The following DOCK9 variants were observed in gnomAD, a reference collection of about 807,000 sequenced individuals.
DOCK9 encodes dedicator of cytokinesis 9, also known as dedicator of cytokinesis protein 9.
DOCK9 carries 89 observed loss-of-function variants against 263.3 expected under a neutral mutation model. That is an observed-to-expected ratio of 0.34 (90% CI 0.28 to 0.40). The LOEUF (loss-of-function observed/expected upper bound fraction) is 0.40. Ranked by LOEUF, DOCK9 falls within the 10% of genes least tolerant of loss-of-function variation. The pLI is 1.00. For missense variants in DOCK9, 2,140 were observed against 2,603.4 expected, an observed-to-expected ratio of 0.82 and a Z score of 3.87; for synonymous variants, 976 against 973.1, an observed-to-expected ratio of 1.00 and a Z score of -0.06.
chr13:98,853,560 C>A (rs762692816), intron 34 of DOCK9, 38 bp from the exon 35 acceptor site: 22 of 1,439,168 alleles, frequency 1.5e-5, no homozygotes, highest in Middle Eastern at 1.7e-4. Context: ...TATTTAATTA[C>A]GGGAGGAAAA....
At chr13:98,956,055 A>ATCTTTC (rs2058021923) in intron 1 of DOCK9, among the ~76,000 whole-genome samples, 3 of 152,222 alleles carry the variant, frequency 2.0e-5, no homozygotes, top group Non-Finnish European at 4.4e-5. Context: ...CCAGATATCT[A>ATCTTTC]TACTTAATAT....
chr13:98,917,470 T>C lies in DOCK9; in HGVS notation c.718-1967A>G, dbSNP rs573785181. ...ACTTCACAGACATTGTCAATGAACA[T>C]ACTCTGATATAATTAGATTGTTCAT... On this transcript the variant is annotated intron_variant, in intron 7 of 52. Coordinates refer to ENST00000682017, the MANE Select transcript of DOCK9 (RefSeq NM_001366683.2). 2.0e-5 allele frequency among the ~76,000 whole-genome samples: 3 copies of C among 152,302 alleles called. No individual in the cohort carries two copies. The East Asian group carries it at 5.8e-4, about 29-fold the overall frequency.
chr13:98,937,167 C>G (rs1309789671), intron 2 of DOCK9, among the ~76,000 whole-genome samples: 5 of 152,142 alleles, frequency 3.3e-5, no homozygotes, highest in Admixed American at 2.6e-4. Flanking sequence ...GGAAACAAGC[C>G]ATTTCCATTC....
chr13:99,044,144 C>A (rs533529645), intron 1 of DOCK9, among the ~76,000 whole-genome samples: 2 of 152,196 alleles, frequency 1.3e-5, no homozygotes, highest in African/African-American at 4.8e-5. Flanking sequence ...ACTGCTCACG[C>A]GACACTGTTG....
Position 98,880,527 on chromosome 13 carries a change from C to T in DOCK9, c.2871+20G>A. On this transcript the variant is annotated intron_variant, in intron 26 of 52. Coordinates refer to ENST00000682017, the MANE Select transcript of DOCK9 (RefSeq NM_001366683.2). The stretch of plus-strand genomic sequence containing the variant: ...TGTTAATCAGTTTCAATCAGAGCCA[C>T]ACTGACTCTCCTGACATACCTTCAG... 2 of 1,613,624 alleles carry T rather than the reference C, an allele frequency of 1.2e-6. No homozygotes were observed. The highest frequency in any genetic ancestry group is 1.7e-6 in the Non-Finnish European group (2 of 1,179,746).
chr13:99,060,061 A>ATT (rs2041111530), intron 1 of DOCK9, among the ~76,000 whole-genome samples: 2 of 69,314 alleles, frequency 2.9e-5, no homozygotes, highest in Non-Finnish European at 5.5e-5. Context: ...GATTGTTTCT[A>ATT]CTTTTTTTTT....
chr13:98,900,017 A>G (rs1011362437), intron 13 of DOCK9, among the ~76,000 whole-genome samples: 6 of 152,276 alleles, frequency 3.9e-5, no homozygotes, highest in Non-Finnish European at 7.3e-5. Flanking sequence ...TTTGACAGAC[A>G]GAAAAAAATC....
At chr13:98,867,305 T>C (rs1000644628) in intron 30 of DOCK9, 120 bp downstream of exon 30, 21 of 670,858 alleles carry the variant, frequency 3.1e-5, no homozygotes, top group African/African-American at 3.1e-4. Flanking sequence ...AAGAAAAAAA[T>C]TAATTCATCA....
intron 26 of DOCK9, 38 bp from the exon 27 acceptor site, chr13:98,880,007 C>A: frequency 6.7e-7 from 1 of 1,496,850 alleles, no homozygotes; most frequent in Non-Finnish European, 9.1e-7. Context: ...AAGAACACAA[C>A]AAACTGGTAG....
intron 39 of DOCK9, among the ~76,000 whole-genome samples, chr13:98,835,120 A>C (rs1227779653): frequency 2.0e-5 from 3 of 152,252 alleles, no homozygotes; most frequent in African/African-American, 7.2e-5. Flanking sequence ...TAATACCAGA[A>C]TTCTGAGCTT....
At chr13:99,006,849 TG>T (rs1429220621) in intron 1 of DOCK9, among the ~76,000 whole-genome samples, 2 of 151,804 alleles carry the variant, frequency 1.3e-5, no homozygotes, top group African/African-American at 4.8e-5. Context: ...CCCAGCACTT[TG>T]GGAGGCCAAA....
intron 1 of DOCK9, among the ~76,000 whole-genome samples, chr13:99,034,496 TG>T (rs1887656577): frequency 6.6e-6 from 1 of 152,250 alleles, no homozygotes. Context: ...AGTTTCTGAC[TG>T]TTGTAACCTT....
rs1235716470 is a variant in DOCK9, at chr13:98,888,701, T to C, written c.1720A>G (p.Met574Val). The change falls in exon 16 of 53, where the codon ATG becomes GTG. Residue 574 changes from methionine to valine, a missense_variant. Around this residue, in one of 2 missense-constraint regions of DOCK9, gnomAD observed 1,521 missense variants for 1,741.7 expected, o/e 0.87. Coordinates refer to ENST00000682017, the MANE Select transcript of DOCK9 (RefSeq NM_001366683.2). Reference sequence around the variant, plus strand: ...CCTAAAATCACTGGGAGCTTAGCCATCTTCTCAGGTCTGCAAACAAAAGAA... The same window carrying C: ...CCTAAAATCACTGGGAGCTTAGCCACCTTCTCAGGTCTGCAAACAAAAGAA... ...LLADFRKPEK[M>V]AKLPVILGNL... is the part of the protein sequence containing the mutation. 2 of 1,613,504 alleles carry C rather than the reference T, an allele frequency of 1.2e-6. No homozygotes were observed. Among genetic ancestry groups the C allele is most frequent in the Admixed American group, 1.7e-5 (1 of 59,976 alleles).
At chr13:99,016,695 T>C (rs1204780086) in intron 1 of DOCK9, among the ~76,000 whole-genome samples, 1 of 152,216 alleles carries the variant, frequency 6.6e-6, no homozygotes, top group Non-Finnish European at 1.5e-5. Flanking sequence ...GCCATTTTCC[T>C]TCTTCAACAA....
At chr13:98,967,737 A>G (rs2059351416) in intron 1 of DOCK9, among the ~76,000 whole-genome samples, 1 of 152,190 alleles carries the variant, frequency 6.6e-6, no homozygotes, top group African/African-American at 2.4e-5. Context: ...CAATCTCACT[A>G]CAGCAGAGAT....
At chr13:99,044,245 T>C (rs990583074) in intron 1 of DOCK9, among the ~76,000 whole-genome samples, 1 of 152,170 alleles carries the variant, frequency 6.6e-6, no homozygotes, top group Non-Finnish European at 1.5e-5. Flanking sequence ...AGACATTGAG[T>C]GAAGCCACCA....
intron 1 of DOCK9, among the ~76,000 whole-genome samples, chr13:98,998,255 G>A (rs72651867): frequency 0.082 from 12,471 of 152,084 alleles, 641 homozygotes; most frequent in East Asian, 0.19. Flanking sequence ...CACCCACAGC[G>A]CACATGTCTC....
intron 1 of DOCK9, among the ~76,000 whole-genome samples, chr13:98,967,951 C>A (rs2059366397): frequency 1.4e-5 from 2 of 145,044 alleles, no homozygotes; most frequent in Admixed American, 1.4e-4. Context: ...TTAAATCATG[C>A]ATTTTTTTCC....
chr13:98,881,788 TTAAATG>T, intron 24 of DOCK9, 98 bp downstream of exon 24: 1 of 1,288,144 alleles, frequency 7.8e-7, no homozygotes, highest in Non-Finnish European at 1.1e-6. Flanking sequence ...AAGACATTTC[TTAAATG>T]TAATGTTCAG....
Sources: gnomAD v4.1 joint callset for allele counts (sites outside exome capture counted in the v4.1 genomes callset) on GRCh38, gnomAD v4.1.1 for gene constraint, gnomAD v4.1.1 regional missense constraint, MANE v1.5 for transcripts, NCBI Gene and HGNC (gene_info 2026-07-23, HGNC 2026-07-21) for gene names.